The following GLI3 variants were observed in gnomAD, a reference collection of about 807,000 sequenced individuals.
GLI3 encodes the protein transcription activator GLI3.
GLI3 carries 20 observed loss-of-function variants against 100.8 expected under a neutral mutation model. That is an observed-to-expected ratio of 0.20 (90% CI 0.14 to 0.29). The LOEUF (loss-of-function observed/expected upper bound fraction) is 0.29. Ranked by LOEUF, GLI3 falls within the 10% of genes least tolerant of loss-of-function variation. The pLI, the probability that GLI3 is intolerant of heterozygous loss-of-function variation, is 1.00. For missense variants in GLI3, 2,040 were observed against 2,128.5 expected (o/e 0.96, Z 0.82); for synonymous variants, 938 against 860.5 (o/e 1.09, Z -1.58).
At chr7:42,133,977 A>G (rs1199265189) in intron 3 of GLI3, among the ~76,000 whole-genome samples, 1 of 151,084 alleles carries the variant, frequency 6.6e-6, no homozygotes, top group African/African-American at 2.4e-5. Context: ...TCTACTTGGG[A>G]GGCTGAGGCA....
intron 1 of GLI3, among the ~76,000 whole-genome samples, chr7:42,247,089 C>T (rs992673156): frequency 2.6e-5 from 4 of 151,918 alleles, no homozygotes; most frequent in African/African-American, 9.7e-5. Context: ...CAGATGTTGG[C>T]AAGGTGTTTA....
chr7:42,170,079 G>A (rs544977889), intron 2 of GLI3, among the ~76,000 whole-genome samples: 1 of 151,458 alleles, frequency 6.6e-6, no homozygotes, highest in Non-Finnish European at 1.5e-5. Context: ...GTGAAAACCT[G>A]CCTCTACTAA....
In GLI3 at chr7:42,212,610, C is replaced by T. The variant is rs1461878284; in HGVS notation, c.124+10520G>A. On this transcript the variant is annotated intron_variant, in intron 2 of 14. Coordinates refer to ENST00000395925, the MANE Select transcript of GLI3 (RefSeq NM_000168.6). ...TGTATCATTCATTTTTCTAATTTTG[C>T]GGATTGAGAGCTAGCAATCCTAATA... Among the ~76,000 whole-genome samples the T allele has an allele frequency of 2.0e-5, 3 of 152,126 alleles. No homozygotes were observed. In the South Asian group the frequency reaches 6.2e-4, roughly 32 times the overall value.
chr7:42,085,677 G>A (rs1785088742), intron 3 of GLI3, among the ~76,000 whole-genome samples: 1 of 152,156 alleles, frequency 6.6e-6, no homozygotes, highest in African/African-American at 2.4e-5. Flanking sequence ...CCCTGCCAGG[G>A]CAGGGAAACC....
intron 1 of GLI3, among the ~76,000 whole-genome samples, chr7:42,253,190 C>T (rs1412306295): frequency 6.6e-6 from 1 of 152,216 alleles, no homozygotes; most frequent in East Asian, 1.9e-4. Context: ...AAAGAGTTTC[C>T]TGCCCCACAA....
intron 2 of GLI3, among the ~76,000 whole-genome samples, chr7:42,189,495 A>G (rs1353214106): frequency 6.6e-6 from 1 of 152,198 alleles, no homozygotes; most frequent in African/African-American, 2.4e-5. Flanking sequence ...TTTGTTCTCC[A>G]TTTTTAAAAG....
At chr7:42,263,393 T>C (rs1789165000) in intron 1 of GLI3, among the ~76,000 whole-genome samples, 1 of 152,202 alleles carries the variant, frequency 6.6e-6, no homozygotes, top group Non-Finnish European at 1.5e-5. Context: ...AATGTGTACA[T>C]TCTTGCACCT....
Position 41,972,366 on chromosome 7 carries a change from C to T in GLI3, c.2074G>A (p.Val692Met). 6.2e-7 allele frequency: 1 copy of T among 1,614,088 alleles called. No homozygotes were observed. Among genetic ancestry groups the T allele is most frequent in the Non-Finnish European group, 8.5e-7 (1 of 1,180,012 alleles). The change falls in exon 13 of 15, where the codon GTG becomes ATG. Residue 692 changes from valine to methionine, a missense_variant. By Grantham distance (21) the Val-to-Met change is conservative (BLOSUM62 1). This residue lies in a region of GLI3 where 327 missense variants were observed against 338.7 expected (regional missense o/e 0.97). Transcript: ENST00000395925. This position sits in a 1 kb window ranked among gnomAD's most constrained non-coding sequence, Gnocchi z 4.4. ...TTSKREECLQ[V>M]KTVKAEKPMT... is the part of the protein sequence containing the mutation. ...GGCTTCTCTGCCTTGACGGTTTTCA[C>T]CTGGAGGCATTCTTCCCGCTTTGAG...
At chr7:41,976,373 ATGAG>A (rs996008634) in intron 12 of GLI3, among the ~76,000 whole-genome samples, 1 of 152,198 alleles carries the variant, frequency 6.6e-6, no homozygotes, top group Non-Finnish European at 1.5e-5. Flanking sequence ...GTGTGAGTTT[ATGAG>A]TGAGTGTGCT....
chr7:42,038,139 C>T (rs1464910999), intron 7 of GLI3, among the ~76,000 whole-genome samples: 1 of 152,196 alleles, frequency 6.6e-6, no homozygotes, highest in Non-Finnish European at 1.5e-5. Context: ...AATAATTGCA[C>T]AATTGCAGTA....
At chr7:42,102,578 A>C (rs1785487748) in intron 3 of GLI3, among the ~76,000 whole-genome samples, 4 of 152,238 alleles carry the variant, frequency 2.6e-5, no homozygotes, top group Admixed American at 2.6e-4. Flanking sequence ...CAGCCCAGCC[A>C]CCGAGCAGCT....
chr7:41,983,245 G>GGT (rs1787724390), intron 10 of GLI3, among the ~76,000 whole-genome samples: 1 of 152,108 alleles, frequency 6.6e-6, no homozygotes, highest in Non-Finnish European at 1.5e-5. Flanking sequence ...ATTAGAAGGA[G>GGT]GTACGTTCTA....
chr7:41,998,761 G>A (rs955290883), intron 10 of GLI3, among the ~76,000 whole-genome samples: 5 of 152,132 alleles, frequency 3.3e-5, no homozygotes, highest in African/African-American at 1.2e-4. Flanking sequence ...CAAATTATTC[G>A]TCAACTTTGG....
At chr7:42,097,859 T>G (rs1489455067) in intron 3 of GLI3, among the ~76,000 whole-genome samples, 2 of 152,112 alleles carry the variant, frequency 1.3e-5, no homozygotes, top group Non-Finnish European at 1.5e-5. Flanking sequence ...TCAGGGTATA[T>G]GTTCTATACC....
rs972543787 is a variant in GLI3 at position 41,972,799 on chromosome 7, A to G, written c.1813-172T>C. On this transcript the variant is annotated intron_variant, in intron 12 of 14. Coordinates refer to ENST00000395925, the MANE Select transcript of GLI3 (RefSeq NM_000168.6). This position sits in a 1 kb window ranked among gnomAD's most constrained non-coding sequence, Gnocchi z 4.4. ...CTAATAGTTTAATAAGGCCATTAGA[A>G]CACTGTTCCGTGTCCATAGAATTTA... is the stretch of plus-strand genomic sequence containing the variant. 6.6e-6 allele frequency among the ~76,000 whole-genome samples: 1 copy of G among 152,166 alleles called. No individual in the cohort carries two copies. Among genetic ancestry groups the G allele is most frequent in the Non-Finnish European group, 1.5e-5 (1 of 68,034 alleles).
chr7:42,178,164 T>C (rs1272489712), intron 2 of GLI3, among the ~76,000 whole-genome samples: 10 of 152,142 alleles, frequency 6.6e-5, no homozygotes, highest in Admixed American at 3.3e-4. Context: ...ACACAACAAA[T>C]GTCCACACAC....
At chr7:42,122,915 G>A (rs539133483) in intron 3 of GLI3, among the ~76,000 whole-genome samples, 4 of 152,254 alleles carry the variant, frequency 2.6e-5, no homozygotes, top group African/African-American at 9.6e-5. Context: ...GTGTCTTTTA[G>A]ACCTTACGAT....
At chr7:41,987,083 T>TACACGG (rs1554308358) in intron 10 of GLI3, among the ~76,000 whole-genome samples, 1 of 130,002 alleles carries the variant, frequency 7.7e-6, no homozygotes, top group African/African-American at 3.0e-5. Flanking sequence ...TGCTACAACA[T>TACACGG]ACACAGACAC....
intron 10 of GLI3, 144 bp downstream of exon 10, chr7:42,023,324 T>C (rs900596986): frequency 3.4e-5 from 27 of 796,914 alleles, no homozygotes; most frequent in Non-Finnish European, 5.6e-5. Context: ...CCGAGTTTTC[T>C]TTATTCTCAG....
Sources: gnomAD v4.1 joint callset for allele counts (sites outside exome capture counted in the v4.1 genomes callset) on GRCh38, gnomAD v4.1.1 for gene constraint, gnomAD v4.1.1 regional missense constraint, Gnocchi (gnomAD v3.1) non-coding constraint, MANE v1.5 for transcripts, NCBI Gene and HGNC (gene_info 2026-07-23, HGNC 2026-07-21) for gene names.